Variants in RYR1 observed in about 807,000 individuals in gnomAD.
The protein encoded by RYR1 is central core disease of muscle.
In RYR1, 342 loss-of-function variants were observed where a neutral mutation model predicts 583.5. The ratio of observed to expected loss-of-function variants is 0.59; its 90% CI spans 0.54 to 0.64. The LOEUF (loss-of-function observed/expected upper bound fraction) is 0.64. RYR1 is among the 30% of genes least tolerant of loss of function. RYR1 has a pLI of 0.00. For missense variants in RYR1, 6,032 were observed against 6,917.2 expected, an observed-to-expected ratio of 0.87 and a Z score of 4.54; for synonymous variants, 2,791 against 2,822.5, an observed-to-expected ratio of 0.99 and a Z score of 0.35.
Position 38,483,226 on chromosome 19 carries a change from G to A in RYR1, c.4708-64G>A. 1 of 1,582,954 alleles carries A rather than the reference G, an allele frequency of 6.3e-7. No individual in the cohort carries two copies. The highest frequency in any genetic ancestry group is 8.6e-7 in the Non-Finnish European group (1 of 1,160,850). ...GGGGGCAATCCAAGAGGTCTCCCTG[G>A]AAGTGGTGTGGTGGGACAGAGGGGG... On this transcript the variant is annotated intron_variant, in intron 32 of 105. Transcript: ENST00000359596. The surrounding 1 kb of genome is among the most constrained non-coding windows in gnomAD (Gnocchi z 6.3).
At chr19:38,441,069 G>C (rs532973699) in intron 2 of RYR1, among the ~76,000 whole-genome samples, 1 of 151,970 alleles carries the variant, frequency 6.6e-6, no homozygotes, top group Admixed American at 6.6e-5. Context: ...TGGGGTGTTG[G>C]AGGGAATCCC....
chr19:38,468,132 C>A (rs142869852), intron 25 of RYR1, among the ~76,000 whole-genome samples: 1 of 150,992 alleles, frequency 6.6e-6, no homozygotes, highest in East Asian at 2.0e-4. Flanking sequence ...ATTCATCCAG[C>A]CAACATAGGG....
intron 39 of RYR1, among the ~76,000 whole-genome samples, chr19:38,495,800 G>A (rs1356091406): frequency 4.0e-5 from 6 of 151,826 alleles, no homozygotes; most frequent in Admixed American, 2.6e-4. Context: ...ATGGAGTCTT[G>A]CTCTGTTGCC....
intron 52 of RYR1, 33 bp from the exon 53 acceptor site, chr19:38,505,276 C>T (rs780316157): frequency 3.5e-5 from 53 of 1,498,802 alleles, no homozygotes; most frequent in Admixed American, 6.8e-5. Context: ...CAACTGCTGC[C>T]TCCCCCTCAC....
chr19:38,447,395 G>T (rs1972997004), intron 9 of RYR1, among the ~76,000 whole-genome samples: 1 of 150,606 alleles, frequency 6.6e-6, no homozygotes, highest in Admixed American at 6.6e-5. Flanking sequence ...ACAAAAATTT[G>T]CCTGGTGTGG....
intron 63 of RYR1, among the ~76,000 whole-genome samples, 188 bp from the exon 64 acceptor site, chr19:38,514,838 C>T (rs2145672103): frequency 6.6e-6 from 1 of 152,158 alleles, no homozygotes; most frequent in South Asian, 2.1e-4. Context: ...CCCCATGTTA[C>T]AGGTAGGGAA....
intron 16 of RYR1, 95 bp downstream of exon 16, chr19:38,455,846 C>G (rs992702053): frequency 1.1e-5 from 9 of 804,276 alleles, no homozygotes; most frequent in South Asian, 9.6e-5. Flanking sequence ...CACTTCCCTC[C>G]TCCATCTCAT....
At chr19:38,566,701 G>T (rs1353371433) in intron 91 of RYR1, among the ~76,000 whole-genome samples, 1 of 152,052 alleles carries the variant, frequency 6.6e-6, no homozygotes, top group African/African-American at 2.4e-5. Context: ...CCGACCCTGC[G>T]CAGTGCTTTG....
chr19:38,491,959 T>G (rs1264314586), intron 37 of RYR1, among the ~76,000 whole-genome samples: 2 of 152,246 alleles, frequency 1.3e-5, no homozygotes, highest in South Asian at 2.1e-4. Context: ...TATTTCCTTT[T>G]AATTCTTCAG....
In RYR1 at chr19:38,502,923, G is replaced by A. The variant is rs914804033; in HGVS notation, c.7879G>A (p.Val2627Met). 3 of 1,611,698 alleles carry A rather than the reference G, an allele frequency of 1.9e-6. No homozygotes were observed. The highest frequency in any genetic ancestry group is 2.5e-6 in the Non-Finnish European group (3 of 1,179,988). ...SMLQHLLRRL[V>M]FDVPILNEFA... The stretch of plus-strand genomic sequence containing the variant: ...GCTGCAGCACCTGTTGCGCCGCCTG[G>A]TGTTCGACGTGCCCATCCTCAACGA... The change falls in exon 49 of 106, where the codon GTG becomes ATG. Residue 2627 changes from valine to methionine, a missense_variant. Val to Met is a conservative substitution (Grantham distance 21). Coordinates refer to ENST00000359596, the MANE Select transcript of RYR1 (RefSeq NM_000540.3).
In RYR1 at chr19:38,502,588, G is replaced by A. The variant is rs755925039; in HGVS notation, c.7696G>A (p.Ala2566Thr). 3.7e-6 allele frequency: 6 copies of A among 1,612,614 alleles called. No individual in the cohort carries two copies. The highest frequency in any genetic ancestry group is 1.6e-4 in the Middle Eastern group (1 of 6,062). Residue 2566 changes from alanine to threonine, a missense_variant, in exon 48 of 106, where the codon GCG (alanine) becomes ACG (threonine). Physicochemically the swap from Ala to Thr is moderately conservative, Grantham distance 58. This residue lies in a region of RYR1 where 250 missense variants were observed against 162.3 expected (regional missense o/e 1.54). Coordinates refer to ENST00000359596, the MANE Select transcript of RYR1 (RefSeq NM_000540.3). ...CGTGCTGCCGCTCATCACCAAGTGT[G>A]CGCCGCTCTTTGCGGGCACAGAACA... ...LAVLPLITKC[A>T]PLFAGTEHRA... is the part of the protein sequence containing the mutation.
intron 73 of RYR1, 82 bp downstream of exon 73, chr19:38,527,866 G>A: frequency 6.5e-7 from 1 of 1,533,072 alleles, no homozygotes; most frequent in Non-Finnish European, 9.0e-7. Flanking sequence ...TGTGGGTGGG[G>A]TCTGGAGATG....
At chr19:38,501,692 T>G (rs1970128177) in intron 47 of RYR1, among the ~76,000 whole-genome samples, 1 of 151,348 alleles carries the variant, frequency 6.6e-6, no homozygotes, top group African/African-American at 2.4e-5. Flanking sequence ...CGAGAGGGGG[T>G]TTAAGAGAGC....
chr19:38,546,669 T>C, intron 88 of RYR1, 143 bp downstream of exon 88: 1 of 641,214 alleles, frequency 1.6e-6, no homozygotes, highest in Non-Finnish European at 2.7e-6. Context: ...GAAGCCATAA[T>C]AGGCCAGATG....
rs77696417 is a variant in RYR1, at chr19:38,508,131, A to G, written c.8932+304A>G. 0.05 allele frequency among the ~76,000 whole-genome samples: 7,631 copies of G among 152,300 alleles called. 247 individuals carry two copies. Among genetic ancestry groups the G allele is most frequent in the African/African-American group, 0.082 (3,414 of 41,550 alleles). On this transcript the variant is annotated intron_variant, in intron 58 of 105. Coordinates refer to ENST00000359596, the MANE Select transcript of RYR1 (RefSeq NM_000540.3). The stretch of plus-strand genomic sequence containing the variant: ...ATGGGAAGAAGAAAACAATAGAGCC[A>G]GGTAGAGGGGATTGGGAGTGTGGAG...
In RYR1 at chr19:38,528,591, C is replaced by G; in HGVS notation, c.10938-8C>G. The G allele has an allele frequency of 6.2e-7, 1 of 1,614,044 alleles. No homozygotes were observed. The highest frequency in any genetic ancestry group is 8.5e-7 in the Non-Finnish European group (1 of 1,179,932). On this transcript the variant is annotated splice_region_variant and splice_polypyrimidine_tract_variant and intron_variant, in intron 74 of 105. Transcript: ENST00000359596. ...GCGTCCCAGTGACGTCACACCTCTC[C>G]CCTGCAGGCACCGGGCATGTAACAT... is the stretch of plus-strand genomic sequence containing the variant.
intron 89 of RYR1, among the ~76,000 whole-genome samples, chr19:38,550,555 G>A (rs1313902427): frequency 3.9e-5 from 6 of 151,972 alleles, no homozygotes; most frequent in South Asian, 4.2e-4. Context: ...CTATTGCCCC[G>A]GCTGGAGTGC....
At chr19:38,486,535 C>G (rs1044122312) in intron 34 of RYR1, among the ~76,000 whole-genome samples, 10 of 152,066 alleles carry the variant, frequency 6.6e-5, no homozygotes, top group African/African-American at 2.2e-4. Flanking sequence ...GTAGAGACTG[C>G]TTTCACCATG....
At chr19:38,530,484 G>A (rs866945084) in intron 76 of RYR1, among the ~76,000 whole-genome samples, 21 of 148,856 alleles carry the variant, frequency 1.4e-4, no homozygotes, top group African/African-American at 5.0e-4. Context: ...TGCCCAGGCC[G>A]GTCTCAAACT....
Sources: allele counts gnomAD v4.1 joint callset (sites outside exome capture counted in the v4.1 genomes callset), GRCh38; gene constraint gnomAD v4.1.1; regional missense constraint gnomAD v4.1.1; non-coding constraint Gnocchi (gnomAD v3.1); transcripts MANE v1.5; gene names NCBI Gene and HGNC (gene_info 2026-07-23, HGNC 2026-07-21).